ZMAT4: variants seen among roughly 807,000 people sequenced by gnomAD.
The protein encoded by ZMAT4 is zinc finger matrin-type protein 4.
ZMAT4 carries 17 observed loss-of-function variants against 28.7 expected under a neutral mutation model. The observed-to-expected ratio is 0.59, with a 90% CI of 0.41 to 0.89. The LOEUF (loss-of-function observed/expected upper bound fraction) is 0.89, where lower values mean the gene tolerates loss of function less well. Ranked by LOEUF, ZMAT4 falls within the 40% of genes least tolerant of loss-of-function variation. ZMAT4 has a pLI of 0.00. For synonymous variants in ZMAT4, 117 were observed against 109.2 expected (o/e 1.07, Z -0.44); for missense variants, 240 against 283.8 (o/e 0.85, Z 1.11).
At chr8:40,894,524 G>A (rs565831931) in intron 1 of ZMAT4, among the ~76,000 whole-genome samples, 29 of 152,168 alleles carry the variant, frequency 1.9e-4, no homozygotes, top group Non-Finnish European at 4.3e-4. Context: ...AGCATGGGAA[G>A]GAGAGTGAGT....
chr8:40,620,589 A>G (rs560794882), intron 5 of ZMAT4, among the ~76,000 whole-genome samples: 1 of 152,334 alleles, frequency 6.6e-6, no homozygotes, highest in East Asian at 1.9e-4. Context: ...CTCGATGTAA[A>G]AATTCGTCAT....
At chr8:40,781,898 C>T (rs1016294097) in intron 2 of ZMAT4, among the ~76,000 whole-genome samples, 1 of 148,598 alleles carries the variant, frequency 6.7e-6, no homozygotes, top group African/African-American at 2.5e-5. Context: ...ATATGCAAAA[C>T]AGTGGAGTTG....
chr8:40,731,638 A>T (rs190434830), intron 3 of ZMAT4, among the ~76,000 whole-genome samples: 2 of 152,214 alleles, frequency 1.3e-5, no homozygotes, highest in Admixed American at 6.5e-5. Context: ...AGAGCACCTG[A>T]TGGCAAATCT....
chr8:40,656,652 A>T (rs1298186310), intron 5 of ZMAT4, among the ~76,000 whole-genome samples: 1 of 152,170 alleles, frequency 6.6e-6, no homozygotes, highest in East Asian at 1.9e-4. Flanking sequence ...CCTTAAACAC[A>T]TTATGCTAAA....
At chr8:40,793,448 A>AC (rs34512741) in intron 2 of ZMAT4, among the ~76,000 whole-genome samples, 21,118 of 152,092 alleles carry the variant, frequency 0.14, 1,916 homozygotes, top group Non-Finnish European at 0.2. Flanking sequence ...CGCTCCATCG[A>AC]TTTTCCAATC....
chr8:40,779,571 C>G (rs4567020), intron 2 of ZMAT4, among the ~76,000 whole-genome samples: 59,588 of 151,750 alleles, frequency 0.39, 12,909 homozygotes, highest in Non-Finnish European at 0.48. Flanking sequence ...TCAGTTTGAT[C>G]CTTGGATCAC....
intron 2 of ZMAT4, among the ~76,000 whole-genome samples, chr8:40,799,674 AT>A (rs953503536): frequency 2.6e-5 from 4 of 152,274 alleles, no homozygotes; most frequent in East Asian, 1.9e-4. Context: ...AAATAAAAGA[AT>A]TTTTTTTCTA....
intron 1 of ZMAT4, among the ~76,000 whole-genome samples, chr8:40,856,916 G>A (rs939280013): frequency 6.6e-6 from 1 of 152,174 alleles, no homozygotes; most frequent in Non-Finnish European, 1.5e-5. Flanking sequence ...TGGGGATGGG[G>A]GAGAAGCTGG....
intron 6 of ZMAT4, among the ~76,000 whole-genome samples, chr8:40,538,987 T>C (rs1207578912): frequency 3.3e-5 from 5 of 152,070 alleles, no homozygotes; most frequent in Non-Finnish European, 5.9e-5. Flanking sequence ...GGGTTCACCA[T>C]GTTAGCCAGG....
chr8:40,692,669 C>T (rs1266079617), intron 4 of ZMAT4, among the ~76,000 whole-genome samples: 3 of 152,144 alleles, frequency 2.0e-5, no homozygotes, highest in African/African-American at 4.8e-5. Context: ...CTTATTAATG[C>T]TGGATAGAAC....
chr8:40,850,479 G>A (rs1287593489), intron 1 of ZMAT4, among the ~76,000 whole-genome samples: 3 of 152,194 alleles, frequency 2.0e-5, no homozygotes, highest in African/African-American at 7.2e-5. Context: ...GTCATGGAAA[G>A]TCTCTGTTTA....
At chr8:40,846,126 G>A (rs531819657) in intron 1 of ZMAT4, among the ~76,000 whole-genome samples, 32 of 152,258 alleles carry the variant, frequency 2.1e-4, no homozygotes, top group African/African-American at 6.3e-4. Context: ...AGCTGAGACC[G>A]GGAGATAGCA....
chr8:40,622,256 G>C (rs1265149841), intron 5 of ZMAT4, among the ~76,000 whole-genome samples: 1 of 152,180 alleles, frequency 6.6e-6, no homozygotes, highest in African/African-American at 2.4e-5. Flanking sequence ...TACTTTACTT[G>C]TATCTGCCCA....
intron 5 of ZMAT4, among the ~76,000 whole-genome samples, chr8:40,643,789 C>CA (rs11416412): frequency 0.14 from 18,961 of 137,530 alleles, 1,747 homozygotes; most frequent in African/African-American, 0.26. Context: ...TGTGTGTGTG[C>CA]AAAAAAAAAA....
In ZMAT4 at chr8:40,675,531, CTAAA is replaced by C. The variant is rs953111053; in HGVS notation, c.350-604_350-601del. ...AAAATAAATATTGGATAAAATGCAACTAAATAAATAAATTCTTAGAGGTAAGGGA... is the reference window on the plus strand; with the variant it reads ...AAAATAAATATTGGATAAAATGCAACTAAATAAATTCTTAGAGGTAAGGGA... On this transcript the variant is annotated intron_variant, in intron 4 of 6. Transcript: ENST00000297737. Among the ~76,000 whole-genome samples, 136 of 152,170 alleles carry C rather than the reference CTAAA, an allele frequency of 8.9e-4. 1 individual carries two copies. The highest frequency in any genetic ancestry group is 2.9e-3 in the African/African-American group (120 of 41,504).
intron 5 of ZMAT4, among the ~76,000 whole-genome samples, chr8:40,590,181 G>C (rs149745487): frequency 6.6e-6 from 1 of 151,040 alleles, no homozygotes; most frequent in East Asian, 2.0e-4. Context: ...GCACTACCAT[G>C]CCTTGCTAAT....
At chr8:40,696,562 A>G (rs1354337929) in intron 4 of ZMAT4, among the ~76,000 whole-genome samples, 1 of 152,156 alleles carries the variant, frequency 6.6e-6, no homozygotes, top group African/African-American at 2.4e-5. Context: ...TAGTTTCATG[A>G]TGTGATAGAC....
intron 6 of ZMAT4, among the ~76,000 whole-genome samples, chr8:40,550,350 CT>C (rs1803329636): frequency 6.6e-6 from 1 of 152,182 alleles, no homozygotes; most frequent in African/African-American, 2.4e-5. Context: ...CTCCCAGTTC[CT>C]CCTAGATCCT....
intron 1 of ZMAT4, among the ~76,000 whole-genome samples, chr8:40,851,682 G>C (rs1250192193): frequency 6.6e-6 from 1 of 152,164 alleles, no homozygotes. Context: ...GACCAGATCA[G>C]GGTAATTACC....
Sources: gnomAD v4.1 joint callset for allele counts (sites outside exome capture counted in the v4.1 genomes callset) on GRCh38, gnomAD v4.1.1 for gene constraint, MANE v1.5 for transcripts, NCBI Gene and HGNC (gene_info 2026-07-23, HGNC 2026-07-21) for gene names.